Variants in PRKG1 observed in about 807,000 individuals in gnomAD.
PRKG1 encodes protein kinase cGMP-dependent 1, also known as cGMP-dependent protein kinase 1.
PRKG1 carries 35 observed loss-of-function variants against 88.1 expected under a neutral mutation model. That is an observed-to-expected ratio of 0.40 (90% CI 0.30 to 0.53). The LOEUF (loss-of-function observed/expected upper bound fraction) is 0.53, where lower values mean the gene tolerates loss of function less well. Among genes scored for constraint, PRKG1 ranks in the 20% least tolerant of loss-of-function variants. The probability of loss-of-function intolerance (pLI) is 0.59; values close to 1 mark genes in which losing one functional copy is unlikely to be tolerated. For missense variants in PRKG1, 540 were observed against 839.8 expected (o/e 0.64, Z 4.41); for synonymous variants, 303 against 292.5 (o/e 1.04, Z -0.37).
At chr10:52,033,883 C>T (rs922006350) in intron 5 of PRKG1, among the ~76,000 whole-genome samples, 120 of 150,342 alleles carry the variant, frequency 8.0e-4, no homozygotes, top group Non-Finnish European at 1.4e-3. Context: ...GGGGTGGGGC[C>T]GTTTTATAGG....
At chr10:52,089,376 C>T (rs1416420581) in intron 7 of PRKG1, among the ~76,000 whole-genome samples, 1 of 152,158 alleles carries the variant, frequency 6.6e-6, no homozygotes, top group African/African-American at 2.4e-5. Context: ...TGGCCATTCT[C>T]AGCAACAAAT....
At chr10:51,570,067 ATGTGTGTGTGTG>A (rs1491127245) in intron 3 of PRKG1, among the ~76,000 whole-genome samples, 13 of 113,010 alleles carry the variant, frequency 1.2e-4, no homozygotes, top group African/African-American at 3.2e-4. Flanking sequence ...ATATATATAT[ATGTGTGTGTGTG>A]TTTATATATG....
chr10:51,375,959 C>T lies in PRKG1; in HGVS notation c.479-91764C>T, dbSNP rs530597899. On this transcript the variant is annotated intron_variant, in intron 2 of 17. Coordinates refer to ENST00000373980, the MANE Select transcript of PRKG1 (RefSeq NM_006258.4). The stretch of plus-strand genomic sequence containing the variant: ...TATAAATATTCATGGTAGTTATTCA[C>T]AGATGACAGTTTATTCCCAGATAGC... 9.2e-5 allele frequency among the ~76,000 whole-genome samples: 14 copies of T among 152,304 alleles called. No individual in the cohort carries two copies. The South Asian group carries it at 2.3e-3, about 25-fold the overall frequency.
chr10:51,320,324 A>T, intron 2 of PRKG1: 1 of 168,902 alleles, frequency 5.9e-6, no homozygotes. Flanking sequence ...AGCTTTAGGG[A>T]TAACAACCTG....
At chr10:51,463,961 T>C (rs539960881) in intron 2 of PRKG1, among the ~76,000 whole-genome samples, 5 of 152,200 alleles carry the variant, frequency 3.3e-5, no homozygotes, top group Admixed American at 6.5e-5. Context: ...TATGTCTTTC[T>C]GTTTACTTAA....
chr10:52,171,232 G>A (rs1286122794), intron 9 of PRKG1, among the ~76,000 whole-genome samples: 1 of 148,490 alleles, frequency 6.7e-6, no homozygotes, highest in Non-Finnish European at 1.5e-5. Context: ...ACTTGGTCTT[G>A]ATCTAAGCAA....
At chr10:51,608,265 T>A (rs1427466775) in intron 3 of PRKG1, among the ~76,000 whole-genome samples, 1 of 152,078 alleles carries the variant, frequency 6.6e-6, no homozygotes, top group Non-Finnish European at 1.5e-5. Context: ...GGAAGAGGTT[T>A]GATTGTAAGG....
intron 3 of PRKG1, among the ~76,000 whole-genome samples, chr10:51,731,219 T>C (rs1445487172): frequency 6.6e-6 from 1 of 152,114 alleles, no homozygotes; most frequent in Non-Finnish European, 1.5e-5. Context: ...AGAACTAATA[T>C]CAATTCAGTT....
chr10:52,078,002 C>T (rs1025788100), intron 7 of PRKG1, among the ~76,000 whole-genome samples: 11 of 152,120 alleles, frequency 7.2e-5, no homozygotes, highest in African/African-American at 1.9e-4. Context: ...AGTTGTCTGC[C>T]GCCCAGATGG....
chr10:51,843,326 T>A (rs2132783990), intron 4 of PRKG1, among the ~76,000 whole-genome samples: 1 of 152,320 alleles, frequency 6.6e-6, no homozygotes, highest in East Asian at 1.9e-4. Context: ...GTTCATGTGA[T>A]CAACACAAGT....
At chr10:51,519,598 A>C (rs1356877104) in intron 3 of PRKG1, among the ~76,000 whole-genome samples, 1 of 152,168 alleles carries the variant, frequency 6.6e-6, no homozygotes, top group Non-Finnish European at 1.5e-5. Flanking sequence ...GTCGAGCAAT[A>C]TTTTTACTCA....
intron 2 of PRKG1, among the ~76,000 whole-genome samples, chr10:51,188,874 G>T (rs1337575931): frequency 6.6e-6 from 1 of 151,850 alleles, no homozygotes; most frequent in Non-Finnish European, 1.5e-5. Flanking sequence ...GAACTGAAAT[G>T]AAAAAGAGCA....
chr10:51,414,321 G>A (rs1336724033), intron 2 of PRKG1, among the ~76,000 whole-genome samples: 1 of 152,212 alleles, frequency 6.6e-6, no homozygotes, highest in African/African-American at 2.4e-5. Flanking sequence ...AGAAGGAGGA[G>A]TTCTGAAGAG....
intron 3 of PRKG1, among the ~76,000 whole-genome samples, chr10:51,575,866 G>A (rs1837872727): frequency 6.6e-6 from 1 of 151,602 alleles, no homozygotes; most frequent in Non-Finnish European, 1.5e-5. Flanking sequence ...AAATTTTAGA[G>A]TTAAGTATGA....
intron 8 of PRKG1, among the ~76,000 whole-genome samples, chr10:52,144,718 G>A (rs1434231212): frequency 9.9e-6 from 1 of 100,760 alleles, no homozygotes; most frequent in Non-Finnish European, 2.2e-5. Flanking sequence ...TTGGGAAGCT[G>A]AGGCAGGAGA....
chr10:51,171,718 G>A (rs1310061982), intron 2 of PRKG1, among the ~76,000 whole-genome samples: 1 of 152,062 alleles, frequency 6.6e-6, no homozygotes, highest in Non-Finnish European at 1.5e-5. Flanking sequence ...TGAAATGAAG[G>A]ACAGAATAGA....
intron 3 of PRKG1, among the ~76,000 whole-genome samples, chr10:51,766,230 C>G (rs182815703): frequency 0.071 from 10,746 of 152,166 alleles, 1,205 homozygotes; most frequent in African/African-American, 0.24. Flanking sequence ...TTAAATACGA[C>G]GCTTTTATAA....
rs1424259150 is a variant in PRKG1 at position 52,035,794 on chromosome 10, G to A, written c.763-18690G>A. Reference sequence around the variant, plus strand: ...TTATGAGAACTGTAGAGAGTGAGTTGAGCATAGTTTGTGATTTTGAGGGCC... The same window carrying A: ...TTATGAGAACTGTAGAGAGTGAGTTAAGCATAGTTTGTGATTTTGAGGGCC... On this transcript the variant is annotated intron_variant, in intron 5 of 17. Coordinates refer to ENST00000373980, the MANE Select transcript of PRKG1 (RefSeq NM_006258.4). Among the ~76,000 whole-genome samples, 33 of 152,126 alleles carry A rather than the reference G, an allele frequency of 2.2e-4. 1 individual carries two copies.
intron 7 of PRKG1, among the ~76,000 whole-genome samples, chr10:52,069,850 G>T (rs543544382): frequency 2.0e-5 from 3 of 151,034 alleles, no homozygotes; most frequent in Admixed American, 6.6e-5. Context: ...TTTCATTCTC[G>T]GTCAATATAT....
Sources: allele counts gnomAD v4.1 joint callset (sites outside exome capture counted in the v4.1 genomes callset), GRCh38; gene constraint gnomAD v4.1.1; transcripts MANE v1.5; gene names NCBI Gene and HGNC (gene_info 2026-07-23, HGNC 2026-07-21).